The following TRAPPC8 variants were observed in gnomAD, a reference collection of about 807,000 sequenced individuals.
The protein encoded by TRAPPC8 is general sporulation gene 1 homolog.
Under a neutral mutation model 174.3 loss-of-function variants are expected in TRAPPC8, and 54 were observed. The ratio of observed to expected loss-of-function variants is 0.31; its 90% CI spans 0.25 to 0.39. The LOEUF is 0.39. Ranked by LOEUF, TRAPPC8 falls within the 10% of genes least tolerant of loss-of-function variation. TRAPPC8 has a pLI of 1.00. For synonymous variants in TRAPPC8, 630 were observed against 579.9 expected, an observed-to-expected ratio of 1.09 and a Z score of -1.24; for missense variants, 1,531 against 1,699.1, an observed-to-expected ratio of 0.90 and a Z score of 1.74.
chr18:31,940,610 T>C (rs919587382), intron 1 of TRAPPC8, among the ~76,000 whole-genome samples: 15 of 152,112 alleles, frequency 9.9e-5, no homozygotes, highest in Admixed American at 3.3e-4. Flanking sequence ...GTGATTCTCC[T>C]GCCTCAGCTT....
chr18:31,943,102 A>C lies in TRAPPC8; in HGVS notation c.-338T>G, dbSNP rs1157494460. ...GGCCGGAACCGCCATGTTGAGGCCG[A>C]ACCCTGACCAACCGGCAGTACTACT... On this transcript the variant is annotated 5_prime_UTR_variant, in exon 1 of 29. Coordinates refer to ENST00000283351, the MANE Select transcript of TRAPPC8 (RefSeq NM_014939.5). 1 of 404,806 alleles carries C rather than the reference A, an allele frequency of 2.5e-6. No individual in the cohort carries two copies. The highest frequency in any genetic ancestry group is 2.1e-5 in the African/African-American group (1 of 48,600). 25.1% of individuals were successfully genotyped at this position (404,806 alleles called of 1,614,324 possible).
intron 18 of TRAPPC8, 25 bp from the exon 19 acceptor site, chr18:31,864,806 C>G (rs751853025): frequency 9.5e-6 from 15 of 1,583,944 alleles, no homozygotes; most frequent in Non-Finnish European, 1.2e-5. Flanking sequence ...AATCAATGCC[C>G]TAAAATAATT....
intron 10 of TRAPPC8, 60 bp downstream of exon 10, chr18:31,900,865 A>T: frequency 7.2e-7 from 1 of 1,393,872 alleles, no homozygotes; most frequent in Non-Finnish European, 9.7e-7. Context: ...GGGAAAAAAA[A>T]AAAAAAAGAA....
intron 7 of TRAPPC8, among the ~76,000 whole-genome samples, 158 bp downstream of exon 7, chr18:31,908,596 G>A (rs2145484089): frequency 6.6e-6 from 1 of 152,236 alleles, no homozygotes; most frequent in Non-Finnish European, 1.5e-5. Context: ...CTCTTCTAGA[G>A]TTGAACAGAA....
rs145361691 is a variant in TRAPPC8, at chr18:31,933,616, T to C, written c.158-2093A>G. Reference sequence around the variant, plus strand: ...CTATTTCACCTGCACCATGGGTTATTATCACATACAAATAAGAGGCAACTT... The same window carrying C: ...CTATTTCACCTGCACCATGGGTTATCATCACATACAAATAAGAGGCAACTT... On this transcript the variant is annotated intron_variant, in intron 1 of 28. Coordinates refer to ENST00000283351, the MANE Select transcript of TRAPPC8 (RefSeq NM_014939.5). Among the ~76,000 whole-genome samples the C allele has an allele frequency of 5.3e-5, 8 of 152,234 alleles. No individual in the cohort carries two copies. In the South Asian group the frequency reaches 6.2e-4, roughly 12 times the overall value.
chr18:31,864,155 G>A (rs1434080276), intron 19 of TRAPPC8, among the ~76,000 whole-genome samples: 3 of 150,566 alleles, frequency 2.0e-5, no homozygotes, highest in Non-Finnish European at 4.4e-5. Flanking sequence ...CTCTTTCTCT[G>A]GCTATACTAC....
chr18:31,916,629 T>G (rs2037159477), intron 3 of TRAPPC8, among the ~76,000 whole-genome samples, 183 bp from the exon 4 acceptor site: 1 of 152,096 alleles, frequency 6.6e-6, no homozygotes, highest in Non-Finnish European at 1.5e-5. Flanking sequence ...GCCTCCCAGG[T>G]TCAAGTGATT....
chr18:31,917,156 T>TA (rs898099299), intron 3 of TRAPPC8, among the ~76,000 whole-genome samples: 4 of 151,872 alleles, frequency 2.6e-5, no homozygotes, highest in Non-Finnish European at 5.9e-5. Context: ...GCCACAATCA[T>TA]AAAAAAATAC....
chr18:31,940,541 T>C (rs932437688), intron 1 of TRAPPC8, among the ~76,000 whole-genome samples: 1 of 133,418 alleles, frequency 7.5e-6, no homozygotes, highest in African/African-American at 2.8e-5. Context: ...AAATTTTTTG[T>C]TGTTGTTGTT....
chr18:31,932,548 T>C (rs2037893589), intron 1 of TRAPPC8, among the ~76,000 whole-genome samples: 1 of 152,084 alleles, frequency 6.6e-6, no homozygotes, highest in African/African-American at 2.4e-5. Flanking sequence ...TTATAACCAG[T>C]AAGTAGTTCA....
chr18:31,917,815 A>G, intron 2 of TRAPPC8, 148 bp from the exon 3 acceptor site: 1 of 662,392 alleles, frequency 1.5e-6, no homozygotes, highest in Non-Finnish European at 2.6e-6. Flanking sequence ...TCAGATGTAC[A>G]TGTGTGTATA....
At chr18:31,899,403 T>C (rs2036315699) in intron 10 of TRAPPC8, among the ~76,000 whole-genome samples, 1 of 152,196 alleles carries the variant, frequency 6.6e-6, no homozygotes, top group Non-Finnish European at 1.5e-5. Context: ...ATGTTTATTA[T>C]TATCTTATTA....
intron 25 of TRAPPC8, among the ~76,000 whole-genome samples, chr18:31,847,263 T>A (rs2033457465): frequency 6.6e-6 from 1 of 152,190 alleles, no homozygotes; most frequent in East Asian, 1.9e-4. Flanking sequence ...AGTGGAAATG[T>A]TATGTTCATA....
intron 4 of TRAPPC8, 115 bp downstream of exon 4, chr18:31,916,157 C>T (rs566022327): frequency 1.4e-6 from 1 of 721,096 alleles, no homozygotes; most frequent in African/African-American, 1.9e-5. Flanking sequence ...ATAAAATTCA[C>T]ATTAAACTTT....
At chr18:31,870,564 G>A (rs77278243) in intron 15 of TRAPPC8, 62 bp from the exon 16 acceptor site, 103,768 of 1,528,004 alleles carry the variant, frequency 0.068, 3,734 homozygotes, top group Middle Eastern at 0.098. Context: ...TCTCAGCTTC[G>A]ATCTTCTAAA....
chr18:31,886,345 GAAAAAAA>G (rs397858057), intron 12 of TRAPPC8, among the ~76,000 whole-genome samples: 113 of 23,744 alleles, frequency 4.8e-3, no homozygotes, highest in Non-Finnish European at 8.2e-3. Context: ...GTTTCTTGAG[GAAAAAAA>G]AAAAAAAAAA....
intron 12 of TRAPPC8, among the ~76,000 whole-genome samples, chr18:31,880,080 T>TG (rs1179751301): frequency 6.3e-4 from 28 of 44,362 alleles, no homozygotes; most frequent in African/African-American, 3.5e-3. Flanking sequence ...CTGAAACTAT[T>TG]GAAAAAAAAA....
At chr18:31,910,096 T>G (rs540641665) in intron 5 of TRAPPC8, among the ~76,000 whole-genome samples, 1 of 152,180 alleles carries the variant, frequency 6.6e-6, no homozygotes, top group East Asian at 1.9e-4. Flanking sequence ...GCCTCTTAAG[T>G]AAGGAATAAT....
Position 31,836,939 on chromosome 18 carries a change from T to G in TRAPPC8, c.3983+2373A>C, listed in dbSNP as rs541677701. Among the ~76,000 whole-genome samples the G allele has an allele frequency of 2.2e-4, 33 of 152,084 alleles. No individual in the cohort carries two copies. The South Asian group carries it at 4.4e-3, about 20-fold the overall frequency. On this transcript the variant is annotated intron_variant, in intron 27 of 28. Coordinates refer to ENST00000283351, the MANE Select transcript of TRAPPC8 (RefSeq NM_014939.5). The stretch of plus-strand genomic sequence containing the variant: ...ACCACACCCGGCTAATTTTTTTGTA[T>G]TTTTAGTAGAGATGGGGTTTCACCG...
Sources: gnomAD v4.1 joint callset for allele counts (sites outside exome capture counted in the v4.1 genomes callset) on GRCh38, gnomAD v4.1.1 for gene constraint, MANE v1.5 for transcripts, NCBI Gene and HGNC (gene_info 2026-07-23, HGNC 2026-07-21) for gene names.